The following PTPRU variants were observed in gnomAD, a reference collection of about 807,000 sequenced individuals.
The protein encoded by PTPRU is receptor-type tyrosine-protein phosphatase U.
Under a neutral mutation model 166.3 loss-of-function variants are expected in PTPRU, and 69 were observed. That is an observed-to-expected ratio of 0.41 (90% CI 0.34 to 0.51). PTPRU has a LOEUF of 0.51. PTPRU is among the 20% of genes least tolerant of loss of function. The pLI is 0.09. For missense variants in PTPRU, 1,657 were observed against 2,013.7 expected (o/e 0.82, Z 3.39); for synonymous variants, 793 against 814.0 (o/e 0.97, Z 0.44).
intron 3 of PTPRU, 117 bp from the exon 4 acceptor site, chr1:29,259,144 C>G: frequency 8.7e-7 from 1 of 1,149,686 alleles, no homozygotes; most frequent in South Asian, 1.5e-5. Flanking sequence ...TCAGTGTGAG[C>G]TGGGCTGACC....
intron 17 of PTPRU, 64 bp downstream of exon 17, chr1:29,304,913 A>T: frequency 2.1e-6 from 3 of 1,460,364 alleles, no homozygotes; most frequent in Non-Finnish European, 2.8e-6. Context: ...GAGGGGGAAC[A>T]CAGCCAGGGT....
rs1042331795 is a variant in PTPRU at position 29,257,205 on chromosome 1, G to A, written c.206-1300G>A. Among the ~76,000 whole-genome samples, 3 of 127,046 alleles carry A rather than the reference G, an allele frequency of 2.4e-5. No individual in the cohort carries two copies. The highest frequency in any genetic ancestry group is 7.9e-5 in the Admixed American group (1 of 12,642). 83.3% of individuals were successfully genotyped at this position (127,046 alleles called of 152,430 possible). A position where few individuals can be genotyped will look rare whatever the true frequency, so the allele number is the denominator to read the frequency against. ...GGGAGAAAGATGCACACAGCTGCTC[G>A]CAGGGAGAGGAGAGAGAAGTAGCAT... On this transcript the variant is annotated intron_variant, in intron 2 of 29. Transcript: ENST00000373779. This position sits in a 1 kb window ranked among gnomAD's most constrained non-coding sequence, Gnocchi z 4.6.
At chr1:29,304,286 A>G (rs1687281472) in intron 16 of PTPRU, among the ~76,000 whole-genome samples, 1 of 152,108 alleles carries the variant, frequency 6.6e-6, no homozygotes, top group African/African-American at 2.4e-5. Flanking sequence ...CTCCATCTCT[A>G]TGTGGACTGT....
chr1:29,322,039 G>A (rs1688183761), intron 26 of PTPRU, among the ~76,000 whole-genome samples: 1 of 152,264 alleles, frequency 6.6e-6, no homozygotes, highest in Admixed American at 6.5e-5. Flanking sequence ...GAGTACAACA[G>A]CTTCTTAATG....
Position 29,279,343 on chromosome 1 carries a change from G to T in PTPRU, c.1564-113G>T. ...GAAGCCTGGCTTGATGGCATCCATAGTCTCCTTTGCTTAGCCTTATCTCTC... is the reference window on the plus strand; with the variant it reads ...GAAGCCTGGCTTGATGGCATCCATATTCTCCTTTGCTTAGCCTTATCTCTC... On this transcript the variant is annotated intron_variant, in intron 9 of 29. Transcript: ENST00000373779. This position sits in a 1 kb window ranked among gnomAD's most constrained non-coding sequence, Gnocchi z 5.2. 1 of 1,248,730 alleles carries T rather than the reference G, an allele frequency of 8.0e-7. No individual in the cohort carries two copies. 77.4% of individuals were successfully genotyped at this position (1,248,730 alleles called of 1,614,324 possible). A position where few individuals can be genotyped will look rare whatever the true frequency, so the allele number is the denominator to read the frequency against.
intron 14 of PTPRU, among the ~76,000 whole-genome samples, chr1:29,286,844 G>A (rs1027259057): frequency 2.0e-5 from 3 of 152,148 alleles, no homozygotes; most frequent in Admixed American, 6.5e-5. Context: ...TATCCCAGAT[G>A]CCTCCAGGAA....
At chr1:29,277,524 T>C (rs1685859157) in intron 8 of PTPRU, among the ~76,000 whole-genome samples, 1 of 152,230 alleles carries the variant, frequency 6.6e-6, no homozygotes, top group African/African-American at 2.4e-5. Context: ...GCCCAACATA[T>C]TGTTAAATTT....
chr1:29,322,520 G>A (rs1004764307), intron 26 of PTPRU, among the ~76,000 whole-genome samples: 2 of 152,154 alleles, frequency 1.3e-5, no homozygotes, highest in Non-Finnish European at 2.9e-5. Context: ...AGAGAGACCC[G>A]TGGAGAGGGA....
intron 18 of PTPRU, among the ~76,000 whole-genome samples, chr1:29,308,566 C>CAAAAAA (rs754278193): frequency 0.016 from 1,309 of 79,338 alleles, 111 homozygotes; most frequent in African/African-American, 0.064. Context: ...GTCCCTGTCT[C>CAAAAAA]AAAAAAAAAA....
intron 7 of PTPRU, among the ~76,000 whole-genome samples, chr1:29,268,509 T>C (rs968447819): frequency 6.6e-5 from 10 of 152,202 alleles, no homozygotes; most frequent in Admixed American, 1.3e-4. Flanking sequence ...AAAATGTTCA[T>C]AGTGCTGAGG....
At position 29,320,654 on chromosome 1, in the gene PTPRU, A is replaced by T. The variant is rs994910782; in HGVS notation, c.3688-31A>T. The T allele has an allele frequency of 6.5e-7, 1 of 1,536,042 alleles. No homozygotes were observed. The highest frequency in any genetic ancestry group is 1.4e-5 in the African/African-American group (1 of 73,270). ...TCAGCCCAGGCCAGGGGCCGGGAAC[A>T]GGGCCCTGCTGAGTTCCGGTTTCCC... On this transcript the variant is annotated intron_variant, in intron 25 of 29. Coordinates refer to ENST00000373779, the MANE Select transcript of PTPRU (RefSeq NM_133178.4). The surrounding 1 kb of genome is among the most constrained non-coding windows in gnomAD (Gnocchi z 5.2).
intron 8 of PTPRU, among the ~76,000 whole-genome samples, chr1:29,277,228 G>C (rs996362798): frequency 1.6e-4 from 24 of 152,172 alleles, no homozygotes; most frequent in Admixed American, 1.4e-3. Context: ...AGCCTCCTGA[G>C]TAGCTGGGAT....
intron 15 of PTPRU, among the ~76,000 whole-genome samples, chr1:29,297,345 G>A (rs546154372): frequency 7.2e-4 from 109 of 152,128 alleles, no homozygotes; most frequent in African/African-American, 2.1e-3. Flanking sequence ...GTGAGCCACC[G>A]CACCTGCCTG....
intron 7 of PTPRU, among the ~76,000 whole-genome samples, chr1:29,267,510 G>A (rs922963318): frequency 9.2e-5 from 14 of 152,178 alleles, no homozygotes; most frequent in South Asian, 2.1e-4. Context: ...GGACTGAGCC[G>A]TGCAGAGAGC....
intron 15 of PTPRU, among the ~76,000 whole-genome samples, chr1:29,293,203 C>T (rs1156454470): frequency 1.3e-5 from 2 of 152,172 alleles, no homozygotes; most frequent in South Asian, 4.1e-4. Flanking sequence ...GTCTTGAACT[C>T]CTGACCTTAG....
At chr1:29,270,533 C>A (rs1257794492) in intron 7 of PTPRU, among the ~76,000 whole-genome samples, 2 of 152,126 alleles carry the variant, frequency 1.3e-5, no homozygotes, top group African/African-American at 4.8e-5. Flanking sequence ...GGTCTCGAAC[C>A]CCTGAGCGAT....
chr1:29,236,853 C>T lies in PTPRU; in HGVS notation c.73+136C>T. ...TGTGTGTGTCTGAGCGTAGGATGGGCGATTGTGTGCCCGGGGTGTTGCGTG... is the reference window on the plus strand; with the variant it reads ...TGTGTGTGTCTGAGCGTAGGATGGGTGATTGTGTGCCCGGGGTGTTGCGTG... On this transcript the variant is annotated intron_variant, in intron 1 of 29. Transcript: ENST00000373779. The surrounding 1 kb of genome is among the most constrained non-coding windows in gnomAD (Gnocchi z 4.6). The T allele has an allele frequency of 1.2e-6, 1 of 832,754 alleles. No individual in the cohort carries two copies. 51.6% of individuals were successfully genotyped at this position (832,754 alleles called of 1,614,324 possible).
chr1:29,274,922 C>T (rs557331640), intron 7 of PTPRU, among the ~76,000 whole-genome samples: 13 of 151,820 alleles, frequency 8.6e-5, no homozygotes, highest in Admixed American at 2.0e-4. Context: ...TGGTGGTGTA[C>T]GCCTGTAATC....
intron 26 of PTPRU, among the ~76,000 whole-genome samples, chr1:29,321,645 A>ATTGACCTC (rs1210350063): frequency 7.9e-5 from 12 of 152,190 alleles, no homozygotes; most frequent in African/African-American, 2.9e-4. Flanking sequence ...GGGTAAGTTG[A>ATTGACCTC]TTGACCTCTT....
Sources: allele counts gnomAD v4.1 joint callset (sites outside exome capture counted in the v4.1 genomes callset), GRCh38; gene constraint gnomAD v4.1.1; non-coding constraint Gnocchi (gnomAD v3.1); transcripts MANE v1.5; gene names NCBI Gene and HGNC (gene_info 2026-07-23, HGNC 2026-07-21).